Variants in RBFOX1 observed in about 807,000 individuals in gnomAD.
The protein encoded by RBFOX1 is RNA binding fox-1 homolog 1, also known as RNA binding protein fox-1 homolog 1.
Under a neutral mutation model 57.7 loss-of-function variants are expected in RBFOX1, and 8 were observed. The observed-to-expected ratio is 0.14, with a 90% CI of 0.08 to 0.25. The LOEUF is 0.25. Ranked by LOEUF, RBFOX1 falls within the 10% of genes least tolerant of loss-of-function variation. The pLI is 1.00. For synonymous variants in RBFOX1, 326 were observed against 222.4 expected (o/e 1.47, Z -4.15); for missense variants, 611 against 548.5 (o/e 1.11, Z -1.14).
intron 4 of RBFOX1, among the ~76,000 whole-genome samples, chr16:5,982,432 A>C (rs1367768248): frequency 6.6e-6 from 1 of 151,346 alleles, no homozygotes; most frequent in Non-Finnish European, 1.5e-5. Flanking sequence ...CCACCACCAC[A>C]CCCAGCTAAT....
intron 3 of RBFOX1, among the ~76,000 whole-genome samples, chr16:6,857,092 T>G (rs115202298): frequency 6.6e-6 from 1 of 152,132 alleles, no homozygotes; most frequent in African/African-American, 2.4e-5. Flanking sequence ...TGTTGTGAAG[T>G]GATTGCTTCA....
intron 1 of RBFOX1, among the ~76,000 whole-genome samples, chr16:5,336,759 C>T (rs974355460): frequency 5.3e-5 from 8 of 152,186 alleles, no homozygotes; most frequent in Non-Finnish European, 8.8e-5. Context: ...CTCCAGCCCC[C>T]CTCCTTCTGG....
intron 1 of RBFOX1, among the ~76,000 whole-genome samples, chr16:6,247,476 A>G (rs2097575654): frequency 6.6e-6 from 1 of 152,236 alleles, no homozygotes; most frequent in South Asian, 2.1e-4. Flanking sequence ...ATGAGAAAAT[A>G]TAATATAATT....
At chr16:7,155,734 T>TAC (rs1347112963) in intron 4 of RBFOX1, among the ~76,000 whole-genome samples, 27 of 82,466 alleles carry the variant, frequency 3.3e-4, no homozygotes, top group African/African-American at 1.4e-3. Context: ...TATATATATA[T>TAC]ATATACACAC....
chr16:7,260,469 T>G (rs2094874844), intron 4 of RBFOX1, among the ~76,000 whole-genome samples: 1 of 151,886 alleles, frequency 6.6e-6, no homozygotes, highest in South Asian at 2.1e-4. Flanking sequence ...AGGCACTGTT[T>G]GATTTTTTTT....
At chr16:7,383,267 T>TAAAAA (rs201018914) in intron 4 of RBFOX1, among the ~76,000 whole-genome samples, 1 of 134,802 alleles carries the variant, frequency 7.4e-6, no homozygotes. Context: ...CCATAAAAAT[T>TAAAAA]AAAAAAAAAA....
At chr16:6,687,328 T>C (rs1172180742) in intron 3 of RBFOX1, among the ~76,000 whole-genome samples, 3 of 152,122 alleles carry the variant, frequency 2.0e-5, no homozygotes, top group Non-Finnish European at 2.9e-5. Context: ...AAACTGCATA[T>C]TAGGTACAAT....
chr16:6,120,695 G>C (rs927010648), intron 1 of RBFOX1, among the ~76,000 whole-genome samples: 3 of 151,968 alleles, frequency 2.0e-5, no homozygotes, highest in Non-Finnish European at 4.4e-5. Flanking sequence ...TTCCTTCTCA[G>C]GCTCTTTTAT....
At chr16:7,189,529 C>T (rs1458139514) in intron 4 of RBFOX1, among the ~76,000 whole-genome samples, 1 of 150,134 alleles carries the variant, frequency 6.7e-6, no homozygotes. Context: ...ACATTGCCCC[C>T]ACTCCAAAAC....
intron 1 of RBFOX1, among the ~76,000 whole-genome samples, chr16:6,299,518 C>G (rs1342156132): frequency 6.6e-6 from 1 of 152,094 alleles, no homozygotes; most frequent in Non-Finnish European, 1.5e-5. Flanking sequence ...AAGCCACCAG[C>G]CAGAGTGATT....
chr16:7,122,578 G>A (rs2067433424), intron 4 of RBFOX1, among the ~76,000 whole-genome samples: 1 of 152,194 alleles, frequency 6.6e-6, no homozygotes, highest in Non-Finnish European at 1.5e-5. Context: ...ACTTAGTGCT[G>A]TGGAGGATTC....
chr16:7,681,057 C>CCATA (rs1162881731), intron 14 of RBFOX1, among the ~76,000 whole-genome samples: 1 of 152,128 alleles, frequency 6.6e-6, no homozygotes, highest in Non-Finnish European at 1.5e-5. Flanking sequence ...CATTCATAAC[C>CCATA]TATGAATAAA....
intron 14 of RBFOX1, among the ~76,000 whole-genome samples, chr16:7,699,987 C>T (rs756906282): frequency 3.9e-5 from 6 of 152,088 alleles, no homozygotes; most frequent in Non-Finnish European, 7.3e-5. Context: ...TTAACGTTGC[C>T]TCCTGGTGCT....
intron 2 of RBFOX1, among the ~76,000 whole-genome samples, chr16:6,504,177 A>G (rs72760974): frequency 1.3e-3 from 195 of 152,268 alleles, no homozygotes; most frequent in Non-Finnish European, 2.2e-3. Context: ...AGCACCATGT[A>G]TCTTCAGGGA....
At chr16:7,140,767 G>C (rs1010563883) in intron 4 of RBFOX1, among the ~76,000 whole-genome samples, 1 of 152,142 alleles carries the variant, frequency 6.6e-6, no homozygotes, top group Admixed American at 6.6e-5. Context: ...TTATGGGGAA[G>C]GTAGCGTTAA....
intron 2 of RBFOX1, among the ~76,000 whole-genome samples, chr16:6,427,874 G>A (rs2093975340): frequency 6.6e-6 from 1 of 152,064 alleles, no homozygotes; most frequent in Non-Finnish European, 1.5e-5. Context: ...TGTGTGACTG[G>A]GAGCAAATCA....
At position 6,595,595 on chromosome 16, in the gene RBFOX1, C is replaced by T. The variant is rs549200933; in HGVS notation, c.-63-59008C>T. Among the ~76,000 whole-genome samples the T allele has an allele frequency of 1.3e-3, 202 of 152,260 alleles. 1 individual carries two copies. Among genetic ancestry groups the T allele is most frequent in the African/African-American group, 4.8e-3 (199 of 41,554 alleles). ...ATACCTACAAGTGGAATTTCTGGGT[C>T]ATATGGACTCTATTTTTAACATTTT... On this transcript the variant is annotated intron_variant, in intron 2 of 15. Coordinates refer to ENST00000550418, the MANE Select transcript of RBFOX1 (RefSeq NM_018723.4).
At chr16:7,071,683 C>T (rs1226921803) in intron 4 of RBFOX1, among the ~76,000 whole-genome samples, 1 of 151,038 alleles carries the variant, frequency 6.6e-6, no homozygotes, top group Admixed American at 6.6e-5. Flanking sequence ...ATATATTTTC[C>T]CAGTATTGAA....
intron 11 of RBFOX1, among the ~76,000 whole-genome samples, chr16:7,650,276 T>C (rs1022109629): frequency 6.6e-6 from 1 of 150,830 alleles, no homozygotes; most frequent in Non-Finnish European, 1.5e-5. Context: ...CCTTTCTCCA[T>C]GAAGCCTCTG....
Sources: allele counts gnomAD v4.1 joint callset (sites outside exome capture counted in the v4.1 genomes callset), GRCh38; gene constraint gnomAD v4.1.1; transcripts MANE v1.5; gene names NCBI Gene and HGNC (gene_info 2026-07-23, HGNC 2026-07-21).